Variants in TFEC observed in about 807,000 individuals in gnomAD.
TFEC encodes transcription factor EC.
Under a neutral mutation model 41.6 loss-of-function variants are expected in TFEC, and 31 were observed. That is an observed-to-expected ratio of 0.74 (90% CI 0.56 to 1.01). The LOEUF is 1.01. Ranked by LOEUF, TFEC falls within the 50% of genes least tolerant of loss-of-function variation. The pLI is 0.00. For missense variants in TFEC, 402 were observed against 404.1 expected, an observed-to-expected ratio of 0.99 and a Z score of 0.04; for synonymous variants, 143 against 140.6, an observed-to-expected ratio of 1.02 and a Z score of -0.12.
chr7:116,134,229 A>C (rs1215319470), intron 1 of TFEC, among the ~76,000 whole-genome samples: 1 of 152,230 alleles, frequency 6.6e-6, no homozygotes, highest in African/African-American at 2.4e-5. Flanking sequence ...AGAAACTTTT[A>C]GATTAAATAG....
At chr7:116,049,884 G>A (rs941955457) in intron 3 of TFEC, among the ~76,000 whole-genome samples, 1 of 152,120 alleles carries the variant, frequency 6.6e-6, no homozygotes. Context: ...TGACTACTGG[G>A]TACACAACGA....
chr7:116,141,639 G>T (rs185917436), intron 1 of TFEC, among the ~76,000 whole-genome samples: 27 of 152,326 alleles, frequency 1.8e-4, no homozygotes, highest in African/African-American at 6.3e-4. Context: ...GGCAGTCAAA[G>T]TTAGATGTAT....
At chr7:115,981,467 G>A (rs920381857) in intron 2 of TFEC, among the ~76,000 whole-genome samples, 6 of 151,916 alleles carry the variant, frequency 3.9e-5, no homozygotes, top group Non-Finnish European at 8.8e-5. Flanking sequence ...TTGAAATAAG[G>A]GTACTCATTA....
At chr7:116,034,580 T>A (rs924667568), upstream of TFEC, among the ~76,000 whole-genome samples, 1 of 151,866 alleles carries the variant, frequency 6.6e-6, no homozygotes, top group East Asian at 1.9e-4. Flanking sequence ...ATTGCTATTA[T>A]CTGAGTCAAA....
chr7:115,950,015 C>CTG (rs35281900), intron 6 of TFEC, among the ~76,000 whole-genome samples: 1 of 141,920 alleles, frequency 7.0e-6, no homozygotes, highest in Non-Finnish European at 1.5e-5. Context: ...CATGTTTTCA[C>CTG]TTTTTTTTTT....
intron 3 of TFEC, among the ~76,000 whole-genome samples, chr7:115,966,407 C>T (rs889141791): frequency 1.3e-5 from 2 of 151,638 alleles, no homozygotes; most frequent in African/African-American, 2.4e-5. Context: ...TCCTAACATA[C>T]GTGCTATGTC....
intron 3 of TFEC, among the ~76,000 whole-genome samples, chr7:116,046,561 G>T (rs1358632487): frequency 6.6e-6 from 1 of 152,158 alleles, no homozygotes; most frequent in Non-Finnish European, 1.5e-5. Flanking sequence ...TTTATCAACA[G>T]TGTGAAAATG....
At chr7:116,031,580 A>G (rs183320575), upstream of TFEC, among the ~76,000 whole-genome samples, 1 of 152,302 alleles carries the variant, frequency 6.6e-6, no homozygotes, top group Non-Finnish European at 1.5e-5. Context: ...TGTCTTACCT[A>G]TATTTTAAAA....
At chr7:116,008,156 C>T (rs549511207) in intron 1 of TFEC, among the ~76,000 whole-genome samples, 1 of 152,242 alleles carries the variant, frequency 6.6e-6, no homozygotes, top group East Asian at 1.9e-4. Flanking sequence ...AAACATCAGA[C>T]AGGCAATTAT....
intron 1 of TFEC, among the ~76,000 whole-genome samples, chr7:116,132,650 T>A (rs1184594291): frequency 6.6e-6 from 1 of 152,202 alleles, no homozygotes; most frequent in African/African-American, 2.4e-5. Context: ...TCACCATTGC[T>A]TTTGCACAGT....
chr7:115,941,074 A>G (rs1488323699), intron 7 of TFEC, 143 bp from the exon 8 acceptor site: 2 of 809,722 alleles, frequency 2.5e-6, no homozygotes, highest in Non-Finnish European at 3.7e-6. Context: ...ATCTTTGCAA[A>G]TAATGAAATT....
chr7:116,095,799 G>T (rs919809055), intron 3 of TFEC, among the ~76,000 whole-genome samples: 1 of 151,240 alleles, frequency 6.6e-6, no homozygotes, highest in African/African-American at 2.4e-5. Context: ...AATATCTCTT[G>T]CTTTGCCCTC....
chr7:116,103,645 C>G (rs769658866), intron 3 of TFEC, among the ~76,000 whole-genome samples: 1 of 152,064 alleles, frequency 6.6e-6, no homozygotes, highest in African/African-American at 2.4e-5. Flanking sequence ...ATTTCAGCCA[C>G]AGGGTCAGTT....
At chr7:116,120,106 G>A (rs1798078853) in intron 1 of TFEC, 1 of 151,884 alleles carries the variant, frequency 6.6e-6, no homozygotes, top group Non-Finnish European at 1.5e-5. Flanking sequence ...CTGGGCCTGG[G>A]AATGAATTCT....
intron 3 of TFEC, among the ~76,000 whole-genome samples, chr7:116,044,372 C>CAATA (rs780521991): frequency 1.1e-4 from 16 of 152,268 alleles, no homozygotes; most frequent in Non-Finnish European, 2.1e-4. Flanking sequence ...TTACTACTAA[C>CAATA]AATAAACCTT....
chr7:116,092,801 C>T (rs1289431290), intron 3 of TFEC, among the ~76,000 whole-genome samples: 1 of 152,098 alleles, frequency 6.6e-6, no homozygotes, highest in African/African-American at 2.4e-5. Flanking sequence ...TGTGGGTCAC[C>T]TCGATAGTCA....
intron 1 of TFEC, among the ~76,000 whole-genome samples, chr7:116,024,318 T>C (rs1795507355): frequency 6.6e-6 from 1 of 152,080 alleles, no homozygotes; most frequent in Non-Finnish European, 1.5e-5. Context: ...TCAAAATGAA[T>C]GAAAGAGAAC....
intron 3 of TFEC, among the ~76,000 whole-genome samples, chr7:116,042,813 G>T (rs1029141784): frequency 6.6e-6 from 1 of 152,122 alleles, no homozygotes; most frequent in East Asian, 1.9e-4. Flanking sequence ...AATTCAATGG[G>T]GAAATTGCTG....
At chr7:116,132,911 A>G (rs1001891573) in intron 1 of TFEC, among the ~76,000 whole-genome samples, 5 of 152,196 alleles carry the variant, frequency 3.3e-5, no homozygotes, top group Admixed American at 3.3e-4. Flanking sequence ...AATTTCACCA[A>G]TTGTGTTTTT....
Sources: allele counts gnomAD v4.1 joint callset (sites outside exome capture counted in the v4.1 genomes callset), GRCh38; gene constraint gnomAD v4.1.1; transcripts MANE v1.5; gene names NCBI Gene and HGNC (gene_info 2026-07-23, HGNC 2026-07-21).